The following SLC41A2 variants were observed in gnomAD, a reference collection of about 807,000 sequenced individuals.
SLC41A2 encodes SLC41A1-like 1.
Under a neutral mutation model 58.3 loss-of-function variants are expected in SLC41A2, and 32 were observed. The observed-to-expected ratio is 0.55, with a 90% CI of 0.41 to 0.74. The LOEUF is 0.74. Among genes scored for constraint, SLC41A2 ranks in the 30% least tolerant of loss-of-function variants. SLC41A2 has a pLI of 0.00. For synonymous variants in SLC41A2, 190 were observed against 235.0 expected (o/e 0.81, Z 1.75); for missense variants, 514 against 680.6 (o/e 0.76, Z 2.72).
At chr12:104,909,788 T>A (rs1286266251) in intron 2 of SLC41A2, 26 bp from the exon 3 acceptor site, 3 of 1,475,324 alleles carry the variant, frequency 2.0e-6, no homozygotes, top group Admixed American at 4.5e-5. Context: ...TAAAATAAAA[T>A]TTTCTGGCAC....
At chr12:104,867,776 T>C (rs1348021437) in intron 6 of SLC41A2, among the ~76,000 whole-genome samples, 1 of 150,636 alleles carries the variant, frequency 6.6e-6, no homozygotes, top group African/African-American at 2.4e-5. Flanking sequence ...AAGTCAAATG[T>C]TACTTAATTT....
chr12:104,882,521 C>CA (rs1340167148), intron 6 of SLC41A2, among the ~76,000 whole-genome samples: 1 of 152,090 alleles, frequency 6.6e-6, no homozygotes, highest in African/African-American at 2.4e-5. Flanking sequence ...CTGGTGGTGA[C>CA]AAAATCTCTC....
rs185707416 is a variant in SLC41A2 at position 104,844,630 on chromosome 12, A to C, written c.1388-10T>G. The C allele has an allele frequency of 6.8e-7, 1 of 1,463,014 alleles. No homozygotes were observed. Among genetic ancestry groups the C allele is most frequent in the East Asian group, 2.5e-5 (1 of 40,602 alleles). 90.6% of individuals were successfully genotyped at this position (1,463,014 alleles called of 1,614,324 possible). A position where few individuals can be genotyped will look rare whatever the true frequency, so the allele number is the denominator to read the frequency against. On this transcript the variant is annotated splice_polypyrimidine_tract_variant and intron_variant, in intron 9 of 10. Coordinates refer to ENST00000258538, the MANE Select transcript of SLC41A2 (RefSeq NM_001352171.3). ...GACTTATTATTTACTCCTGTAATAT[A>C]AAATGTAAAAGTAATTAAAACAAAA...
At chr12:104,876,835 G>C (rs2044070376) in intron 6 of SLC41A2, among the ~76,000 whole-genome samples, 1 of 152,160 alleles carries the variant, frequency 6.6e-6, no homozygotes, top group Non-Finnish European at 1.5e-5. Context: ...CTTCCTAATT[G>C]ATTTTCTGTC....
rs191938563 is a variant in SLC41A2, at chr12:104,930,332, G to A, written c.-167-1638C>T. Among the ~76,000 whole-genome samples, 9 of 152,146 alleles carry A rather than the reference G, an allele frequency of 5.9e-5. No homozygotes were observed. The South Asian group carries it at 8.3e-4, about 14-fold the overall frequency. Reference sequence around the variant, plus strand: ...GGCCAGAGTGAAGCAGAGATAAAACGATGTAGTCCCCGAAAGAGAGAAAAG... The same window carrying A: ...GGCCAGAGTGAAGCAGAGATAAAACAATGTAGTCCCCGAAAGAGAGAAAAG... On this transcript the variant is annotated intron_variant, in intron 1 of 10. Transcript: ENST00000258538.
chr12:104,922,548 A>C (rs1453353941), intron 2 of SLC41A2, among the ~76,000 whole-genome samples: 1 of 152,170 alleles, frequency 6.6e-6, no homozygotes, highest in Non-Finnish European at 1.5e-5. Context: ...AAATCTAAAG[A>C]GAGAGAGATA....
In SLC41A2 at chr12:104,849,910, C is replaced by T. The variant is rs573747069; in HGVS notation, c.1256-3936G>A. 3.3e-5 allele frequency among the ~76,000 whole-genome samples: 5 copies of T among 152,256 alleles called. No individual in the cohort carries two copies. The East Asian group carries it at 9.6e-4, about 29-fold the overall frequency. On this transcript the variant is annotated intron_variant, in intron 8 of 10. Transcript: ENST00000258538. Reference sequence around the variant, plus strand: ...TAGCAATTCCACTCTTAGACAAATACTCAAATAAATGCCTACATATGTACA... The same window carrying T: ...TAGCAATTCCACTCTTAGACAAATATTCAAATAAATGCCTACATATGTACA...
At chr12:104,879,836 G>C (rs1593058268) in intron 6 of SLC41A2, among the ~76,000 whole-genome samples, 1 of 152,120 alleles carries the variant, frequency 6.6e-6, no homozygotes, top group East Asian at 1.9e-4. Flanking sequence ...TGTGAAGAAA[G>C]TCATTGGTAG....
At chr12:104,886,647 GA>G (rs2044681833) in intron 5 of SLC41A2, among the ~76,000 whole-genome samples, 1 of 152,010 alleles carries the variant, frequency 6.6e-6, no homozygotes, top group African/African-American at 2.4e-5. Flanking sequence ...GAAAATTTAA[GA>G]AGTTCAGCAT....
chr12:104,914,715 A>C (rs2046234997), intron 2 of SLC41A2, among the ~76,000 whole-genome samples: 1 of 152,224 alleles, frequency 6.6e-6, no homozygotes, highest in Non-Finnish European at 1.5e-5. Context: ...ACCTTCACTG[A>C]AATTCTGACT....
At chr12:104,886,200 T>C in intron 6 of SLC41A2, 93 bp downstream of exon 6, 1 of 1,364,190 alleles carries the variant, frequency 7.3e-7, no homozygotes, top group Admixed American at 2.1e-5. Flanking sequence ...CTAATGCAAA[T>C]GAAGGCTACC....
intron 1 of SLC41A2, among the ~76,000 whole-genome samples, chr12:104,930,853 T>G (rs2047022588): frequency 6.6e-6 from 1 of 152,244 alleles, no homozygotes; most frequent in African/African-American, 2.4e-5. Flanking sequence ...GCAGAATATG[T>G]GCAGAACGTG....
chr12:104,848,418 A>C (rs1384587544), intron 8 of SLC41A2, among the ~76,000 whole-genome samples: 1 of 152,128 alleles, frequency 6.6e-6, no homozygotes, highest in African/African-American at 2.4e-5. Context: ...CCAAGAAAAA[A>C]AATTAAACCA....
intron 4 of SLC41A2, among the ~76,000 whole-genome samples, chr12:104,895,024 T>C (rs2045212101): frequency 1.3e-5 from 2 of 152,184 alleles, no homozygotes; most frequent in Non-Finnish European, 2.9e-5. Flanking sequence ...TAGAAAATAT[T>C]TTGTATATTT....
At chr12:104,891,453 TA>T (rs1236777494) in intron 4 of SLC41A2, among the ~76,000 whole-genome samples, 64 of 150,876 alleles carry the variant, frequency 4.2e-4, no homozygotes, top group Admixed American at 7.3e-4. Context: ...TCAGGGTATT[TA>T]AAAATAAATG....
chr12:104,909,754 C>T lies in SLC41A2; in HGVS notation c.564G>A (p.Glu188=), dbSNP rs1430844997. Residue 188 remains glutamate (E), a synonymous_variant, in exon 3 of 11, where the codon GAG becomes GAA. Transcript: ENST00000258538. ...AAACTTCTGTAACTTTTCTGAACACCTCCCAGTGCTGTAAGAAAAAAAATA... is the reference window on the plus strand; with the variant it reads ...AAACTTCTGTAACTTTTCTGAACACTTCCCAGTGCTGTAAGAAAAAAAATA... ...GMVLDIVQHW[E]VFRKVTEVFI... 2 of 1,580,042 alleles carry T rather than the reference C, an allele frequency of 1.3e-6. No homozygotes were observed. The highest frequency in any genetic ancestry group is 1.7e-6 in the Non-Finnish European group (2 of 1,168,472).
At chr12:104,867,340 A>T (rs1421157703) in intron 6 of SLC41A2, among the ~76,000 whole-genome samples, 1 of 152,016 alleles carries the variant, frequency 6.6e-6, no homozygotes, top group Non-Finnish European at 1.5e-5. Flanking sequence ...ATTATCAGAG[A>T]TATTCCTGGC....
chr12:104,827,809 G>C (rs1163573354), intron 10 of SLC41A2, among the ~76,000 whole-genome samples: 1 of 152,104 alleles, frequency 6.6e-6, no homozygotes, highest in African/African-American at 2.4e-5. Flanking sequence ...GCTAAGGCCG[G>C]TCATCGTCCA....
At chr12:104,896,153 A>G (rs956270961) in intron 3 of SLC41A2, among the ~76,000 whole-genome samples, 1 of 152,182 alleles carries the variant, frequency 6.6e-6, no homozygotes, top group East Asian at 1.9e-4. Flanking sequence ...ATAAAGAGGA[A>G]GGTAAGTAAG....
Sources: gnomAD v4.1 joint callset for allele counts (sites outside exome capture counted in the v4.1 genomes callset) on GRCh38, gnomAD v4.1.1 for gene constraint, MANE v1.5 for transcripts, NCBI Gene and HGNC (gene_info 2026-07-23, HGNC 2026-07-21) for gene names.